Variants in SYNE2 observed in about 807,000 individuals in gnomAD.
SYNE2 encodes the protein nesprin-2.
SYNE2 carries 431 observed loss-of-function variants against 856.3 expected under a neutral mutation model. The ratio of observed to expected loss-of-function variants is 0.50; its 90% confidence interval spans 0.47 to 0.55. The LOEUF (loss-of-function observed/expected upper bound fraction) is 0.55. SYNE2 is among the 20% of genes least tolerant of loss of function. The pLI, the probability that SYNE2 is intolerant of heterozygous loss-of-function variation, is 0.00. For missense variants in SYNE2, 8,129 were observed against 8,023.2 expected (o/e 1.01, Z -0.50); for synonymous variants, 2,923 against 2,872.3 (o/e 1.02, Z -0.56).
intron 78 of SYNE2, among the ~76,000 whole-genome samples, chr14:64,136,187 G>A (rs2098086426): frequency 6.6e-6 from 1 of 150,690 alleles, no homozygotes; most frequent in Admixed American, 6.7e-5. Context: ...CTACTTGGGA[G>A]ACTTAGGCAG....
chr14:63,968,090 G>A (rs1380072214), intron 11 of SYNE2, among the ~76,000 whole-genome samples: 2 of 152,182 alleles, frequency 1.3e-5, no homozygotes, highest in East Asian at 3.8e-4. Context: ...TTGAACCTGG[G>A]AGGCAGAGGT....
chr14:64,209,865 C>A, intron 102 of SYNE2, 77 bp from the exon 103 acceptor site: 1 of 1,594,120 alleles, frequency 6.3e-7, no homozygotes, highest in Non-Finnish European at 8.6e-7. Context: ...GGCAGCAGGT[C>A]GCTTGGGATG....
intron 1 of SYNE2, among the ~76,000 whole-genome samples, chr14:63,845,237 G>A (rs1890188189): frequency 6.6e-6 from 1 of 152,042 alleles, no homozygotes; most frequent in African/African-American, 2.4e-5. Context: ...CCAAAATGGT[G>A]AAACCTCGTC....
intron 50 of SYNE2, 103 bp downstream of exon 50, chr14:64,062,998 C>A: frequency 7.6e-7 from 1 of 1,320,882 alleles, no homozygotes. Flanking sequence ...GCGTAGAAAT[C>A]TTCACAGTGA....
intron 1 of SYNE2, among the ~76,000 whole-genome samples, chr14:63,831,549 CTTTTTTTTTTTTTT>C (rs1211983068): frequency 1.4e-5 from 1 of 69,548 alleles, no homozygotes; most frequent in Admixed American, 2.3e-4. Flanking sequence ...AATGTTCATT[CTTTTTTTTTTTTTT>C]TTTTTTTTTT....
chr14:64,012,818 C>T (rs1359443113), intron 32 of SYNE2, among the ~76,000 whole-genome samples: 3 of 152,178 alleles, frequency 2.0e-5, no homozygotes, highest in Non-Finnish European at 4.4e-5. Context: ...GTTAACATAA[C>T]TTTCAGTTAA....
At chr14:63,872,622 G>C (rs1387589075) in intron 1 of SYNE2, among the ~76,000 whole-genome samples, 1 of 151,658 alleles carries the variant, frequency 6.6e-6, no homozygotes, top group Non-Finnish European at 1.5e-5. Context: ...CGCACGTGGT[G>C]GTGGTGACGG....
intron 32 of SYNE2, among the ~76,000 whole-genome samples, chr14:64,015,281 T>G (rs2096884038): frequency 6.6e-6 from 1 of 151,826 alleles, no homozygotes; most frequent in Non-Finnish European, 1.5e-5. Flanking sequence ...TAAATCTCCT[T>G]TAGATGTTTG....
At chr14:63,869,943 C>A (rs956728589) in intron 1 of SYNE2, among the ~76,000 whole-genome samples, 5 of 152,100 alleles carry the variant, frequency 3.3e-5, no homozygotes, top group Admixed American at 6.6e-5. Flanking sequence ...CCTTTTAATC[C>A]CCTCTGACTC....
chr14:64,225,646 C>T lies in SYNE2; in HGVS notation c.*120C>T, dbSNP rs2098715777. On this transcript the variant is annotated 3_prime_UTR_variant, in exon 116 of 116. Transcript: ENST00000555002. ...AAGGTCCCGGGACCTGTGCAGACTT[C>T]TTCTGGGCTTACCCAGCACGGGCTC... 1 of 1,128,708 alleles carries T rather than the reference C, an allele frequency of 8.9e-7. No individual in the cohort carries two copies. The highest frequency in any genetic ancestry group is 1.5e-5 in the African/African-American group (1 of 64,928). 69.9% of individuals were successfully genotyped at this position (1,128,708 alleles called of 1,614,324 possible). A position where few individuals can be genotyped will look rare whatever the true frequency, so the allele number is the denominator to read the frequency against.
chr14:64,124,961 C>A, intron 70 of SYNE2, 118 bp from the exon 71 acceptor site: 1 of 1,265,978 alleles, frequency 7.9e-7, no homozygotes. Flanking sequence ...GGAGATCATG[C>A]CACTGCACTC....
At chr14:64,202,665 A>C in intron 99 of SYNE2, 136 bp from the exon 100 acceptor site, 1 of 1,171,848 alleles carries the variant, frequency 8.5e-7, no homozygotes, top group East Asian at 2.5e-5. Context: ...TTCTGATATA[A>C]AATCAAAGCA....
intron 1 of SYNE2, among the ~76,000 whole-genome samples, chr14:63,819,595 G>A (rs1394197747): frequency 6.6e-6 from 1 of 150,468 alleles, no homozygotes; most frequent in East Asian, 2.0e-4. Flanking sequence ...GGAGTGCAGT[G>A]GTGCAATCTC....
chr14:63,922,296 G>A (rs774127884), intron 2 of SYNE2, among the ~76,000 whole-genome samples: 15 of 152,144 alleles, frequency 9.9e-5, no homozygotes, highest in Non-Finnish European at 2.9e-5. Context: ...CAAGCCCCCA[G>A]ACCCAGCTTA....
chr14:63,953,004 G>C (rs958885721), intron 7 of SYNE2, among the ~76,000 whole-genome samples: 3 of 152,172 alleles, frequency 2.0e-5, no homozygotes, highest in African/African-American at 7.2e-5. Context: ...ACAGAATAGT[G>C]ATGGAGTGAT....
At chr14:64,050,914 G>A (rs1322901229) in intron 47 of SYNE2, among the ~76,000 whole-genome samples, 2 of 151,798 alleles carry the variant, frequency 1.3e-5, no homozygotes, top group East Asian at 1.9e-4. Flanking sequence ...CTAGCTACTT[G>A]GGAGGCTGAG....
chr14:64,221,741 CCT>C lies in SYNE2; in HGVS notation c.20190+40_20190+41del. The C allele has an allele frequency of 1.9e-6, 3 of 1,611,044 alleles. No homozygotes were observed. In the African/African-American group the frequency reaches 4.0e-5, roughly 21 times the overall value. On this transcript the variant is annotated intron_variant, in intron 112 of 115. Coordinates refer to ENST00000555002, the MANE Select transcript of SYNE2 (RefSeq NM_182914.3). Reference sequence around the variant, plus strand: ...CCCAAGGGCTCTGTACTGCCACCAGCCTCTGTCAGCCCCAGAGAGGCAGCACA... The same window carrying C: ...CCCAAGGGCTCTGTACTGCCACCAGCCTGTCAGCCCCAGAGAGGCAGCACA...
intron 6 of SYNE2, among the ~76,000 whole-genome samples, chr14:63,945,245 C>T (rs149090621): frequency 6.6e-6 from 1 of 151,442 alleles, no homozygotes; most frequent in East Asian, 2.0e-4. Flanking sequence ...CCCATATAAT[C>T]ACCCTGCCAG....
At chr14:63,789,941 A>C (rs1887673264) in intron 1 of SYNE2, among the ~76,000 whole-genome samples, 1 of 152,170 alleles carries the variant, frequency 6.6e-6, no homozygotes, top group Non-Finnish European at 1.5e-5. Context: ...GAAATGAGAC[A>C]TTGAACTAGA....
Sources: allele counts gnomAD v4.1 joint callset (sites outside exome capture counted in the v4.1 genomes callset), GRCh38; gene constraint gnomAD v4.1.1; transcripts MANE v1.5; gene names NCBI Gene and HGNC (gene_info 2026-07-23, HGNC 2026-07-21).